Variants in BLTP3B observed in about 807,000 individuals in gnomAD.
BLTP3B encodes the protein UHRF1 (ICBP90) binding protein 1-like.
chr12:100,047,944 T>G, the BLTP3B span: 1 of 1,474,544 alleles, frequency 6.8e-7, no homozygotes, highest in Non-Finnish European at 9.0e-7. Flanking sequence ...TTAACATACT[T>G]TTAAATTTAT....
the BLTP3B span, among the ~76,000 whole-genome samples, chr12:100,087,374 T>C: frequency 1.3e-5 from 2 of 152,176 alleles, no homozygotes; most frequent in Non-Finnish European, 2.9e-5. Flanking sequence ...TATATTAATT[T>C]GTAAAATCCA....
chr12:100,078,389 G>T, the BLTP3B span, among the ~76,000 whole-genome samples: 1 of 152,118 alleles, frequency 6.6e-6, no homozygotes, highest in Non-Finnish European at 1.5e-5. Flanking sequence ...AGAACCAAAA[G>T]CCAATTAAAC....
chr12:100,095,067 A>G, the BLTP3B span, among the ~76,000 whole-genome samples: 3 of 152,318 alleles, frequency 2.0e-5, no homozygotes, highest in East Asian at 5.8e-4. Flanking sequence ...TATAACTATC[A>G]CTGTCTCTTC....
the BLTP3B span, among the ~76,000 whole-genome samples, chr12:100,122,426 G>T: frequency 1.3e-5 from 2 of 152,166 alleles, no homozygotes; most frequent in South Asian, 4.1e-4. Flanking sequence ...AGTTTAAGAG[G>T]TATTTTAGGA....
the BLTP3B span, among the ~76,000 whole-genome samples, chr12:100,136,777 G>T: frequency 6.6e-6 from 1 of 151,700 alleles, no homozygotes; most frequent in Non-Finnish European, 1.5e-5. Flanking sequence ...CACTTCTATG[G>T]CCATATCAGA....
At chr12:100,134,875 C>A in the BLTP3B span, among the ~76,000 whole-genome samples, 2 of 152,200 alleles carry the variant, frequency 1.3e-5, no homozygotes, top group African/African-American at 2.4e-5. Context: ...ACACCTAGAA[C>A]CTGACTATCA....
the BLTP3B span, among the ~76,000 whole-genome samples, chr12:100,123,281 A>G: frequency 0.36 from 54,201 of 152,108 alleles, 12,871 homozygotes; most frequent in African/African-American, 0.68. Flanking sequence ...TCTTTGCCCT[A>G]TAGGGCTTAC....
At chr12:100,096,114 G>A in the BLTP3B span, among the ~76,000 whole-genome samples, 4 of 152,132 alleles carry the variant, frequency 2.6e-5, no homozygotes, top group Non-Finnish European at 5.9e-5. Context: ...TTAGCCAGGT[G>A]TGGTGGCGGA....
chr12:100,070,058 G>C, the BLTP3B span: 4 of 1,409,022 alleles, frequency 2.8e-6, no homozygotes, highest in Admixed American at 2.7e-5. Context: ...AATGAATTTA[G>C]ATTTACAAGA....
chr12:100,109,939 G>C, the BLTP3B span, among the ~76,000 whole-genome samples: 1 of 152,060 alleles, frequency 6.6e-6, no homozygotes, highest in Non-Finnish European at 1.5e-5. Context: ...GTAAACCTAA[G>C]GAGAAACTTG....
chr12:100,132,015 C>T, the BLTP3B span, among the ~76,000 whole-genome samples: 1 of 152,190 alleles, frequency 6.6e-6, no homozygotes, highest in Non-Finnish European at 1.5e-5. Context: ...TGGTCTCGAA[C>T]TCCTGACCTC....
the BLTP3B span, among the ~76,000 whole-genome samples, chr12:100,042,797 A>C: frequency 1.3e-5 from 2 of 152,162 alleles, no homozygotes; most frequent in African/African-American, 2.4e-5. Flanking sequence ...ATTTTTTAGC[A>C]ATCAAGTTTG....
chr12:100,081,925 C>T, the BLTP3B span, among the ~76,000 whole-genome samples: 343 of 152,290 alleles, frequency 2.3e-3, 3 homozygotes, highest in African/African-American at 7.7e-3. Context: ...TGGGTATATA[C>T]CCAGTAATGG....
the BLTP3B span, among the ~76,000 whole-genome samples, chr12:100,090,954 A>G: frequency 6.6e-6 from 1 of 152,004 alleles, no homozygotes; most frequent in South Asian, 2.1e-4. Flanking sequence ...ATACTATGGT[A>G]AAGTCAGGTT....
At chr12:100,070,445 C>A in the BLTP3B span, among the ~76,000 whole-genome samples, 1 of 151,820 alleles carries the variant, frequency 6.6e-6, no homozygotes, top group Non-Finnish European at 1.5e-5. Context: ...TTTTAGTAGA[C>A]GGGGTTTTAC....
chr12:100,142,773 C>T, the BLTP3B span: 2 of 1,300,468 alleles, frequency 1.5e-6, no homozygotes, highest in African/African-American at 1.6e-5. Flanking sequence ...ACCCAAGGCC[C>T]CGGCCAAGGC....
At chr12:100,104,899 A>G in the BLTP3B span, among the ~76,000 whole-genome samples, 10 of 148,794 alleles carry the variant, frequency 6.7e-5, no homozygotes, top group Middle Eastern at 6.9e-3. Context: ...AAAAAAAAAA[A>G]AAAAAAAAAA....
At chr12:100,065,962 C>T in the BLTP3B span, among the ~76,000 whole-genome samples, 1 of 152,146 alleles carries the variant, frequency 6.6e-6, no homozygotes, top group Non-Finnish European at 1.5e-5. Context: ...ACGGTCCTAC[C>T]ACCATGTGAT....
chr12:100,058,605 C>G, the BLTP3B span: 3 of 1,613,956 alleles, frequency 1.9e-6, no homozygotes, highest in Non-Finnish European at 2.5e-6. Flanking sequence ...TACCACTGGG[C>G]TCACACTTTC....
Sources: gnomAD v4.1 joint callset for allele counts (sites outside exome capture counted in the v4.1 genomes callset) on GRCh38, gnomAD v4.1.1 for gene constraint, MANE v1.5 for transcripts, NCBI Gene and HGNC (gene_info 2026-07-23, HGNC 2026-07-21) for gene names.